Variants in NSRP1 observed in about 807,000 individuals in gnomAD.
NSRP1 encodes the protein nuclear speckle splicing regulatory protein 1.
NSRP1 carries 24 observed loss-of-function variants against 54.7 expected under a neutral mutation model. The observed-to-expected ratio is 0.44, with a 90% CI of 0.32 to 0.62. NSRP1 has a LOEUF of 0.62. NSRP1 is among the 20% of genes least tolerant of loss of function. NSRP1 has a pLI of 0.06. For missense variants in NSRP1, 596 were observed against 651.2 expected (o/e 0.92, Z 0.92); for synonymous variants, 210 against 213.8 (o/e 0.98, Z 0.15).
At chr17:30,169,782 C>A (rs1346558605) in intron 2 of NSRP1, among the ~76,000 whole-genome samples, 2 of 151,276 alleles carry the variant, frequency 1.3e-5, no homozygotes, top group Admixed American at 6.6e-5. Flanking sequence ...TATTATATGA[C>A]CTTTGTGTAT....
In NSRP1 at chr17:30,135,377, G is replaced by A. The variant is rs1597599010; in HGVS notation, c.114+17204G>A. On this transcript the variant is annotated intron_variant, in intron 2 of 6. Coordinates refer to ENST00000247026, the MANE Select transcript of NSRP1 (RefSeq NM_032141.4). ...GGGGCTCAAGTGATCTGCCCACTTCGGCCTCCCAAAGTGCTGGAACTGTAG... is the reference window on the plus strand; with the variant it reads ...GGGGCTCAAGTGATCTGCCCACTTCAGCCTCCCAAAGTGCTGGAACTGTAG... 5.3e-5 allele frequency among the ~76,000 whole-genome samples: 8 copies of A among 151,848 alleles called. No individual in the cohort carries two copies. The South Asian group carries it at 6.2e-4, about 12-fold the overall frequency.
rs35779000 is a variant in NSRP1, at chr17:30,118,561, C to CT, written c.114+397dup. On this transcript the variant is annotated intron_variant, in intron 2 of 6. Coordinates refer to ENST00000247026, the MANE Select transcript of NSRP1 (RefSeq NM_032141.4). ...TATATAACAGTTCTTAACAACGCTA[C>CT]TTTTTTTTTAAATTCAGTGTCTGCC... Among the ~76,000 whole-genome samples the CT allele has an allele frequency of 7.9e-4, 120 of 151,306 alleles. No homozygotes were observed. The Middle Eastern group carries it at 0.02, about 26-fold the overall frequency.
At chr17:30,118,047 G>T (rs761961548) in intron 1 of NSRP1, 33 bp from the exon 2 acceptor site, 18 of 1,524,478 alleles carry the variant, frequency 1.2e-5, no homozygotes, top group Non-Finnish European at 1.6e-5. Context: ...AAACATAAAG[G>T]TTTAATTTCT....
intron 2 of NSRP1, among the ~76,000 whole-genome samples, chr17:30,139,011 G>A (rs546787217): frequency 4.6e-5 from 6 of 131,448 alleles, no homozygotes; most frequent in East Asian, 2.6e-4. Context: ...TCCGCCTCCC[G>A]GGTTCACACC....
chr17:30,136,093 G>A (rs1352264505), intron 2 of NSRP1, among the ~76,000 whole-genome samples: 2 of 151,980 alleles, frequency 1.3e-5, no homozygotes, highest in Non-Finnish European at 2.9e-5. Flanking sequence ...CACATCTGTA[G>A]TCCCAGCTAC....
chr17:30,147,761 C>A (rs2071870583), intron 2 of NSRP1, among the ~76,000 whole-genome samples: 1 of 151,798 alleles, frequency 6.6e-6, no homozygotes, highest in African/African-American at 2.4e-5. Context: ...GTGCGCCCAG[C>A]CCCGGCCAGA....
chr17:30,136,559 A>C (rs1045420957), intron 2 of NSRP1, among the ~76,000 whole-genome samples: 1 of 152,210 alleles, frequency 6.6e-6, no homozygotes, highest in Non-Finnish European at 1.5e-5. Context: ...GTGTTACCAG[A>C]AAGTGTCAAT....
intron 2 of NSRP1, among the ~76,000 whole-genome samples, chr17:30,150,959 A>G (rs541107197): frequency 2.1e-4 from 32 of 151,996 alleles, no homozygotes; most frequent in Admixed American, 9.8e-4. Context: ...AAATGCTGGG[A>G]TTACAGGTGT....
intron 2 of NSRP1, among the ~76,000 whole-genome samples, chr17:30,165,417 T>G (rs1904694838): frequency 6.6e-6 from 1 of 152,188 alleles, no homozygotes; most frequent in Admixed American, 6.5e-5. Context: ...TTACTAACAT[T>G]GGGAGAGGTT....
chr17:30,169,005 C>T (rs1904834050), intron 2 of NSRP1: 1 of 151,992 alleles, frequency 6.6e-6, no homozygotes, highest in African/African-American at 2.4e-5. Flanking sequence ...AACTATTGCA[C>T]TCCTTCCATT....
At chr17:30,177,838 A>ATT (rs1852450984) in intron 3 of NSRP1, 1 of 557,868 alleles carries the variant, frequency 1.8e-6, no homozygotes, top group South Asian at 2.0e-5. Context: ...AGATGAGGAA[A>ATT]TTAAGGTACC....
intron 2 of NSRP1, chr17:30,168,928 T>C (rs559405162): frequency 2.0e-5 from 3 of 152,160 alleles, no homozygotes; most frequent in Admixed American, 1.3e-4. Flanking sequence ...TTTTTCAGGT[T>C]AGGTTCAGAG....
intron 2 of NSRP1, among the ~76,000 whole-genome samples, chr17:30,126,812 C>T (rs1464669036): frequency 3.9e-5 from 6 of 152,320 alleles, no homozygotes; most frequent in African/African-American, 1.4e-4. Context: ...GGGTCTCAAG[C>T]TCTTGAGCTC....
intron 2 of NSRP1, among the ~76,000 whole-genome samples, 172 bp from the exon 3 acceptor site, chr17:30,172,370 A>G (rs1245634356): frequency 6.6e-6 from 1 of 152,236 alleles, no homozygotes; most frequent in African/African-American, 2.4e-5. Context: ...TGAAATGCTC[A>G]TTGGAGCATC....
chr17:30,161,389 C>A (rs1904510630), intron 2 of NSRP1, among the ~76,000 whole-genome samples: 1 of 152,156 alleles, frequency 6.6e-6, no homozygotes, highest in Non-Finnish European at 1.5e-5. Context: ...CTGCTTTGCA[C>A]TGTATTAGCA....
intron 2 of NSRP1, among the ~76,000 whole-genome samples, chr17:30,130,516 C>T (rs1346734870): frequency 6.6e-6 from 1 of 152,144 alleles, no homozygotes; most frequent in Non-Finnish European, 1.5e-5. Flanking sequence ...TTAAATAATG[C>T]TTGCCCATTG....
chr17:30,170,340 T>C (rs1904884018), intron 2 of NSRP1, among the ~76,000 whole-genome samples: 1 of 152,172 alleles, frequency 6.6e-6, no homozygotes, highest in Admixed American at 6.5e-5. Context: ...AGCTACAATT[T>C]ACTCATTTAG....
chr17:30,122,349 T>TGTGTGTGTGTGTGTA (rs1481107161), intron 2 of NSRP1: 2 of 72,304 alleles, frequency 2.8e-5, no homozygotes, highest in African/African-American at 1.1e-4. Context: ...ATAACTCTGG[T>TGTGTGTGTGTGTGTA]TTCATATATA....
intron 2 of NSRP1, among the ~76,000 whole-genome samples, chr17:30,147,454 G>C (rs2071866839): frequency 6.6e-6 from 1 of 150,618 alleles, no homozygotes; most frequent in Non-Finnish European, 1.5e-5. Flanking sequence ...TTGGTTGGTT[G>C]GTTTTGTTTG....
Sources: allele counts gnomAD v4.1 joint callset (sites outside exome capture counted in the v4.1 genomes callset), GRCh38; gene constraint gnomAD v4.1.1; transcripts MANE v1.5; gene names NCBI Gene and HGNC (gene_info 2026-07-23, HGNC 2026-07-21).